SMAD2: variants seen among roughly 807,000 people sequenced by gnomAD.
SMAD2 encodes the protein SMAD family member 2, also known as MAD homolog 2.
In SMAD2, 8 loss-of-function variants were observed where a neutral mutation model predicts 64.4. That is an observed-to-expected ratio of 0.12 (90% CI 0.07 to 0.22). The LOEUF (loss-of-function observed/expected upper bound fraction) is 0.22. Among genes scored for constraint, SMAD2 ranks in the 10% least tolerant of loss-of-function variants. The probability of loss-of-function intolerance (pLI) is 1.00; values close to 1 mark genes in which losing one functional copy is unlikely to be tolerated. For missense variants in SMAD2, 289 were observed against 561.2 expected (o/e 0.51, Z 4.90); for synonymous variants, 203 against 195.8 (o/e 1.04, Z -0.31).
In SMAD2 at chr18:47,824,825, A is replaced by T. The variant is rs920770191; in HGVS notation, c.*17002T>A. The stretch of plus-strand genomic sequence containing the variant: ...TAACACAGATCTTCTGTGGTCCACA[A>T]ATCATGGCAAAAAACTTTGTTTTCA... On this transcript the variant is annotated 3_prime_UTR_variant, in exon 11 of 11. Coordinates refer to ENST00000262160, the MANE Select transcript of SMAD2 (RefSeq NM_005901.6). The T allele has an allele frequency of 2.0e-5, 3 of 152,242 alleles. No homozygotes were observed. The highest frequency in any genetic ancestry group is 6.5e-5 in the Admixed American group (1 of 15,290). The allele number at this position is 152,242 out of a possible 1,614,324, so 9.4% of individuals were successfully genotyped here.
At chr18:47,869,473 T>TAA in intron 3 of SMAD2, 37 bp from the exon 4 acceptor site, 3 of 1,340,362 alleles carry the variant, frequency 2.2e-6, no homozygotes, top group African/African-American at 1.9e-5. Context: ...GGAGGGAACT[T>TAA]TAAAAAAAAA....
rs1598731930 is a variant in SMAD2, at chr18:47,835,178, T to C, written c.*6649A>G. 3 of 220,974 alleles carry C rather than the reference T, an allele frequency of 1.4e-5. No homozygotes were observed. In the East Asian group the frequency reaches 2.0e-4, roughly 15 times the overall value. 13.7% of individuals were successfully genotyped at this position (220,974 alleles called of 1,614,324 possible). A position where few individuals can be genotyped will look rare whatever the true frequency, so the allele number is the denominator to read the frequency against. ...AAAAGATACAAATATGCCTTTCAAG[T>C]CAGGGTTGGAAAAGCAAAACTGAGG... On this transcript the variant is annotated 3_prime_UTR_variant, in exon 11 of 11. Transcript: ENST00000262160.
chr18:47,824,964 A>G lies in SMAD2; in HGVS notation c.*16863T>C, dbSNP rs562909007. The G allele has an allele frequency of 6.6e-6, 1 of 152,348 alleles. No homozygotes were observed. The highest frequency in any genetic ancestry group is 2.4e-5 in the African/African-American group (1 of 41,572). 9.4% of individuals were successfully genotyped at this position (152,348 alleles called of 1,614,324 possible). Reference sequence around the variant, plus strand: ...GTGAAGCTTCAAACATTTTCCATTGAATATACACAGACATACAAATAAAGA... The same window carrying G: ...GTGAAGCTTCAAACATTTTCCATTGGATATACACAGACATACAAATAAAGA... On this transcript the variant is annotated 3_prime_UTR_variant, in exon 11 of 11. Coordinates refer to ENST00000262160, the MANE Select transcript of SMAD2 (RefSeq NM_005901.6).
At chr18:47,884,461 T>C (rs548961556) in intron 2 of SMAD2, among the ~76,000 whole-genome samples, 1 of 152,242 alleles carries the variant, frequency 6.6e-6, no homozygotes, top group South Asian at 2.1e-4. Context: ...TTCCGCCCCA[T>C]ATATAGTTAC....
rs1000209413 is a variant in SMAD2, at chr18:47,841,533, C to T, written c.*294G>A. The T allele has an allele frequency of 2.1e-6, 1 of 473,964 alleles. No individual in the cohort carries two copies. Among genetic ancestry groups the T allele is most frequent in the Non-Finnish European group, 3.9e-6 (1 of 256,402 alleles). The allele number at this position is 473,964 out of a possible 1,614,324, so 29.4% of individuals were successfully genotyped here. ...GATACATTACCTGTACACATAACTA[C>T]TACTGTTATTAATAAACCTTTGGGA... is the stretch of plus-strand genomic sequence containing the variant. On this transcript the variant is annotated 3_prime_UTR_variant, in exon 11 of 11. Transcript: ENST00000262160.
chr18:47,916,451 C>G (rs1413721977), intron 1 of SMAD2, among the ~76,000 whole-genome samples: 1 of 152,174 alleles, frequency 6.6e-6, no homozygotes, highest in African/African-American at 2.4e-5. Flanking sequence ...GAGTCTCACT[C>G]TGTCGCCCAG....
At position 47,830,959 on chromosome 18, in the gene SMAD2, T is replaced by TACACACAC. The variant is rs58420738; in HGVS notation, c.*10860_*10867dup. ...AAAAAGTTAACTAAGTTTCACTTAA[T>TACACACAC]ACACACACACACACTAGGGTTTATA... On this transcript the variant is annotated 3_prime_UTR_variant, in exon 11 of 11. Coordinates refer to ENST00000262160, the MANE Select transcript of SMAD2 (RefSeq NM_005901.6). 3 of 152,178 alleles carry TACACACAC rather than the reference T, an allele frequency of 2.0e-5. No individual in the cohort carries two copies. In the East Asian group the frequency reaches 5.8e-4, roughly 29 times the overall value. The allele number at this position is 152,178 out of a possible 1,614,324, so 9.4% of individuals were successfully genotyped here.
chr18:47,840,675 C>A lies in SMAD2; in HGVS notation c.*1152G>T. On this transcript the variant is annotated 3_prime_UTR_variant, in exon 11 of 11. Coordinates refer to ENST00000262160, the MANE Select transcript of SMAD2 (RefSeq NM_005901.6). ...TCTAGGTATTTTGCAGAAACAATTACATTTACAAAAGGCCCATTTCATAAT... is the reference window on the plus strand; with the variant it reads ...TCTAGGTATTTTGCAGAAACAATTAAATTTACAAAAGGCCCATTTCATAAT... The A allele has an allele frequency of 4.3e-6, 1 of 231,306 alleles. No homozygotes were observed. Among genetic ancestry groups the A allele is most frequent in the Non-Finnish European group, 8.6e-6 (1 of 116,832 alleles). 14.3% of individuals were successfully genotyped at this position (231,306 alleles called of 1,614,324 possible). A position where few individuals can be genotyped will look rare whatever the true frequency, so the allele number is the denominator to read the frequency against.
chr18:47,873,305 A>C (rs1053525304), intron 2 of SMAD2, among the ~76,000 whole-genome samples: 28 of 152,164 alleles, frequency 1.8e-4, no homozygotes, highest in African/African-American at 6.3e-4. Context: ...AAACATAACT[A>C]AAGAACACAA....
chr18:47,916,894 C>T (rs187202748), intron 1 of SMAD2, among the ~76,000 whole-genome samples: 220 of 152,332 alleles, frequency 1.4e-3, no homozygotes, highest in South Asian at 2.9e-3. Context: ...CCCTTCATTT[C>T]CAATACATTT....
At chr18:47,898,986 G>C (rs1334285755) in intron 1 of SMAD2, among the ~76,000 whole-genome samples, 1 of 151,896 alleles carries the variant, frequency 6.6e-6, no homozygotes, top group Non-Finnish European at 1.5e-5. Flanking sequence ...GAGCTGGGAC[G>C]GGTAGGACAA....
chr18:47,846,470 G>A (rs1365650814), intron 8 of SMAD2, among the ~76,000 whole-genome samples: 1 of 152,114 alleles, frequency 6.6e-6, no homozygotes, highest in East Asian at 1.9e-4. Context: ...TCAAACACTA[G>A]GTGCTGCTGT....
chr18:47,842,432 C>T (rs563803559), intron 10 of SMAD2, among the ~76,000 whole-genome samples: 7 of 151,998 alleles, frequency 4.6e-5, no homozygotes, highest in South Asian at 2.1e-4. Context: ...CCCAGCTACT[C>T]GGGAGGCTGA....
At position 47,817,130 on chromosome 18, in the gene SMAD2, G is replaced by C. The variant is rs1912400144; in HGVS notation, c.*24697C>G. The C allele has an allele frequency of 6.6e-6, 1 of 152,204 alleles. No individual in the cohort carries two copies. The highest frequency in any genetic ancestry group is 2.4e-5 in the African/African-American group (1 of 41,440). 9.4% of individuals were successfully genotyped at this position (152,204 alleles called of 1,614,324 possible). On this transcript the variant is annotated 3_prime_UTR_variant, in exon 11 of 11. Coordinates refer to ENST00000262160, the MANE Select transcript of SMAD2 (RefSeq NM_005901.6). ...GTTTTCTTTTAGAGAGCCTCTCTCT[G>C]TGTTGACATAAATGGTGTTCAGCAG...
intron 1 of SMAD2, among the ~76,000 whole-genome samples, chr18:47,898,836 T>C (rs1477212318): frequency 6.6e-6 from 1 of 152,140 alleles, no homozygotes; most frequent in African/African-American, 2.4e-5. Flanking sequence ...GAGGAAATAT[T>C]TGCACTTCCT....
intron 1 of SMAD2, among the ~76,000 whole-genome samples, chr18:47,914,509 A>G (rs762098998): frequency 1.3e-4 from 20 of 152,166 alleles, no homozygotes; most frequent in Non-Finnish European, 2.2e-4. Context: ...ATTCTTATGG[A>G]TGCTTTAGTT....
rs188073906 is a variant in SMAD2, at chr18:47,872,449, A to G, written c.237-1885T>C. Reference sequence around the variant, plus strand: ...AACAATTGAAAAATACAAAATTTAAAAACAATATGGTATAACAACTATTTA... The same window carrying G: ...AACAATTGAAAAATACAAAATTTAAGAACAATATGGTATAACAACTATTTA... On this transcript the variant is annotated intron_variant, in intron 2 of 10. Transcript: ENST00000262160. Among the ~76,000 whole-genome samples the G allele has an allele frequency of 8.5e-5, 13 of 152,346 alleles. No homozygotes were observed. The East Asian group carries it at 9.6e-4, about 11-fold the overall frequency.
At chr18:47,854,864 T>C (rs1407186166) in intron 6 of SMAD2, among the ~76,000 whole-genome samples, 1 of 152,292 alleles carries the variant, frequency 6.6e-6, no homozygotes, top group South Asian at 2.1e-4. Flanking sequence ...GATACATCAT[T>C]ATCACTGAAA....
At chr18:47,893,229 A>T (rs1315252996) in intron 2 of SMAD2, among the ~76,000 whole-genome samples, 1 of 152,214 alleles carries the variant, frequency 6.6e-6, no homozygotes, top group Non-Finnish European at 1.5e-5. Flanking sequence ...AGCGACAGTG[A>T]CGTATCTATA....
Sources: gnomAD v4.1 joint callset for allele counts (sites outside exome capture counted in the v4.1 genomes callset) on GRCh38, gnomAD v4.1.1 for gene constraint, MANE v1.5 for transcripts, NCBI Gene and HGNC (gene_info 2026-07-23, HGNC 2026-07-21) for gene names.